GALNT18: variants seen among roughly 807,000 people sequenced by gnomAD.
GALNT18 encodes the protein polypeptide N-acetylgalactosaminyltransferase 18.
A neutral mutation model predicts 69.5 loss-of-function variants in GALNT18; 44 were observed. The observed-to-expected ratio is 0.63, with a 90% CI of 0.50 to 0.81. The LOEUF (loss-of-function observed/expected upper bound fraction) is 0.81, where lower values mean the gene tolerates loss of function less well. Ranked by LOEUF, GALNT18 falls within the 40% of genes least tolerant of loss-of-function variation. GALNT18 has a pLI of 0.00. For synonymous variants in GALNT18, 364 were observed against 318.2 expected (o/e 1.14, Z -1.53); for missense variants, 715 against 810.0 (o/e 0.88, Z 1.42).
chr11:11,412,033 C>T (rs1854743359), intron 3 of GALNT18, among the ~76,000 whole-genome samples: 1 of 152,102 alleles, frequency 6.6e-6, no homozygotes, highest in South Asian at 2.1e-4. Context: ...CTTCTGGCCA[C>T]CAACACTCAT....
chr11:11,611,208 A>AGCAG (rs1368088583), intron 1 of GALNT18, among the ~76,000 whole-genome samples: 2 of 152,206 alleles, frequency 1.3e-5, no homozygotes, highest in African/African-American at 4.8e-5. Flanking sequence ...ATGGACTCCT[A>AGCAG]CTGTTTTGGG....
At chr11:11,529,971 G>A (rs987421234) in intron 1 of GALNT18, among the ~76,000 whole-genome samples, 3 of 152,166 alleles carry the variant, frequency 2.0e-5, no homozygotes, top group African/African-American at 7.2e-5. Context: ...GCACTGAAGG[G>A]TGCTTGAGCA....
intron 1 of GALNT18, among the ~76,000 whole-genome samples, chr11:11,594,832 T>C (rs1859448305): frequency 3.3e-5 from 1 of 30,522 alleles, no homozygotes; most frequent in African/African-American, 6.1e-5. Flanking sequence ...TATATATATA[T>C]ATATATATAC....
chr11:11,408,197 T>A (rs538345566), intron 3 of GALNT18, among the ~76,000 whole-genome samples: 2 of 151,928 alleles, frequency 1.3e-5, no homozygotes, highest in Non-Finnish European at 2.9e-5. Flanking sequence ...AAACTCCATT[T>A]CTACTAATAA....
rs532001105 is a variant in GALNT18 at position 11,282,542 on chromosome 11, G to C, written c.1677+10487C>G. On this transcript the variant is annotated intron_variant, in intron 10 of 10. Transcript: ENST00000227756. ...ATGAGCAGTAAGTAGTGGCAGCCTG[G>C]GAACCCAGGGGGGTCTGCCCCCTTT... Among the ~76,000 whole-genome samples the C allele has an allele frequency of 9.3e-4, 142 of 152,302 alleles. 2 individuals are homozygous for C. Among genetic ancestry groups the C allele is most frequent in the African/African-American group, 3.2e-3 (135 of 41,540 alleles).
chr11:11,455,418 A>G (rs1027881919), intron 1 of GALNT18, among the ~76,000 whole-genome samples: 2 of 151,810 alleles, frequency 1.3e-5, no homozygotes, highest in South Asian at 2.1e-4. Flanking sequence ...AAGTGAGGGG[A>G]AATGGGGCAG....
intron 1 of GALNT18, among the ~76,000 whole-genome samples, chr11:11,615,753 G>C (rs1358566523): frequency 1.3e-5 from 2 of 152,124 alleles, no homozygotes; most frequent in African/African-American, 2.4e-5. Context: ...TTTGCAGGGA[G>C]GGGAGGGAGC....
chr11:11,614,362 AGAGGAGGAGGAG>A lies in GALNT18; in HGVS notation c.235+6985_235+6996del, dbSNP rs10612380. On this transcript the variant is annotated intron_variant, in intron 1 of 10. Transcript: ENST00000227756. This position sits in a 1 kb window ranked among gnomAD's most constrained non-coding sequence, Gnocchi z 5.6. Reference sequence around the variant, plus strand: ...CAAGAGAGTGAGGAGAAGAAGAAGAAGAGGAGGAGGAGGAGGAGGAGGAGGAGGAGGAGGGAG... The same window carrying A: ...CAAGAGAGTGAGGAGAAGAAGAAGAAGAGGAGGAGGAGGAGGAGGAGGGAG... 0.017 allele frequency among the ~76,000 whole-genome samples: 2,517 copies of A among 146,406 alleles called. 80 individuals carry two copies. The highest frequency in any genetic ancestry group is 0.06 in the African/African-American group (2,350 of 39,014).
chr11:11,434,939 C>T lies in GALNT18; in HGVS notation c.429-2152G>A, dbSNP rs1855363936. 2.0e-5 allele frequency among the ~76,000 whole-genome samples: 3 copies of T among 152,314 alleles called. No homozygotes were observed. In the South Asian group the frequency reaches 6.2e-4, roughly 32 times the overall value. On this transcript the variant is annotated intron_variant, in intron 2 of 10. Transcript: ENST00000227756. ...AGATCAAGACCAGCAGTTGGGTTTT[C>T]CCTAGGCATGGAAACTGACAGAGAT...
At chr11:11,367,634 AC>A (rs1204535959) in intron 6 of GALNT18, among the ~76,000 whole-genome samples, 1 of 151,776 alleles carries the variant, frequency 6.6e-6, no homozygotes, top group East Asian at 1.9e-4. Flanking sequence ...CTTCCTCACC[AC>A]CCCCTACTTC....
At chr11:11,549,652 C>T (rs1181470690) in intron 1 of GALNT18, among the ~76,000 whole-genome samples, 1 of 152,220 alleles carries the variant, frequency 6.6e-6, no homozygotes, top group African/African-American at 2.4e-5. Context: ...CAGCTCTTTC[C>T]CATTATCCCC....
In GALNT18 at chr11:11,332,319, G is replaced by A. The variant is rs1850030165; in HGVS notation, c.1416+375C>T. 6.6e-6 allele frequency among the ~76,000 whole-genome samples: 1 copy of A among 152,210 alleles called. No individual in the cohort carries two copies. Among genetic ancestry groups the A allele is most frequent in the African/African-American group, 2.4e-5 (1 of 41,464 alleles). On this transcript the variant is annotated intron_variant, in intron 8 of 10. Transcript: ENST00000227756. This position sits in a 1 kb window ranked among gnomAD's most constrained non-coding sequence, Gnocchi z 4.3. ...GTGGGAGGCATTAGCTCCTTGGTCA[G>A]GGAGGCACACAGGGTGACTCATAGA...
chr11:11,568,574 T>A (rs1482254894), intron 1 of GALNT18, among the ~76,000 whole-genome samples: 1 of 152,092 alleles, frequency 6.6e-6, no homozygotes, highest in African/African-American at 2.4e-5. Context: ...AATCACCCCC[T>A]TTTCCTCTCC....
rs534670525 is a variant in GALNT18 at position 11,396,613 on chromosome 11, C to G, written c.596-17349G>C. ...CTCATGGCAATTGCAAAGATTTGCA[C>G]GCGGGACTCCAGTCTGGGGCAATAG... On this transcript the variant is annotated intron_variant, in intron 3 of 10. Transcript: ENST00000227756. The surrounding 1 kb of genome is among the most constrained non-coding windows in gnomAD (Gnocchi z 5.2). Among the ~76,000 whole-genome samples, 1 of 152,082 alleles carries G rather than the reference C, an allele frequency of 6.6e-6. No homozygotes were observed. Among genetic ancestry groups the G allele is most frequent in the South Asian group, 2.1e-4 (1 of 4,814 alleles).
intron 3 of GALNT18, among the ~76,000 whole-genome samples, chr11:11,431,289 C>A (rs1466630040): frequency 6.6e-6 from 1 of 151,504 alleles, no homozygotes; most frequent in Non-Finnish European, 1.5e-5. Context: ...TAGGTGAAGT[C>A]CAGGGATAGA....
rs57202914 is a variant in GALNT18, at chr11:11,404,408, T to C, written c.596-25144A>G. Among the ~76,000 whole-genome samples the C allele has an allele frequency of 0.22, 32,738 of 152,148 alleles. 3,884 individuals carry two copies. The highest frequency in any genetic ancestry group is 0.39 in the East Asian group (1,997 of 5,164). On this transcript the variant is annotated intron_variant, in intron 3 of 10. Coordinates refer to ENST00000227756, the MANE Select transcript of GALNT18 (RefSeq NM_198516.3). This position sits in a 1 kb window ranked among gnomAD's most constrained non-coding sequence, Gnocchi z 4.5. Reference sequence around the variant, plus strand: ...AGGGAAAGCAAATGCCCATGAAATTTAGCAAGGCAAGAGGAGCAGGAGCAG... The same window carrying C: ...AGGGAAAGCAAATGCCCATGAAATTCAGCAAGGCAAGAGGAGCAGGAGCAG...
intron 10 of GALNT18, among the ~76,000 whole-genome samples, chr11:11,289,628 G>A (rs1467586999): frequency 3.3e-5 from 5 of 152,190 alleles, no homozygotes; most frequent in African/African-American, 1.2e-4. Flanking sequence ...GGAGGAGTGG[G>A]GAGCGCTGGC....
chr11:11,348,215 T>TA (rs11371371), intron 6 of GALNT18, among the ~76,000 whole-genome samples: 13,870 of 151,520 alleles, frequency 0.092, 2,134 homozygotes, highest in African/African-American at 0.32. Context: ...CCATCTCTGC[T>TA]AAAAATACAA....
At position 11,383,575 on chromosome 11, in the gene GALNT18, T is replaced by A. The variant is rs138841652; in HGVS notation, c.596-4311A>T. ...AAGGTTCAGATGAGCATTTCCCACA[T>A]CTTCTCTAGGTTTTGGGGACATAGA... On this transcript the variant is annotated intron_variant, in intron 3 of 10. Transcript: ENST00000227756. This position sits in a 1 kb window ranked among gnomAD's most constrained non-coding sequence, Gnocchi z 5.2. 3.3e-5 allele frequency among the ~76,000 whole-genome samples: 5 copies of A among 152,298 alleles called. No homozygotes were observed. In the East Asian group the frequency reaches 7.7e-4, roughly 24 times the overall value.
Sources: gnomAD v4.1 joint callset for allele counts (sites outside exome capture counted in the v4.1 genomes callset) on GRCh38, gnomAD v4.1.1 for gene constraint, Gnocchi (gnomAD v3.1) non-coding constraint, MANE v1.5 for transcripts, NCBI Gene and HGNC (gene_info 2026-07-23, HGNC 2026-07-21) for gene names.